Variants in NR4A2 observed in about 807,000 individuals in gnomAD.
NR4A2 encodes nuclear receptor subfamily 4 group A member 2, also known as NGFI-B/nur77 beta-type transcription factor homolog.
NR4A2 carries 1 observed loss-of-function variant against 50.5 expected under a neutral mutation model. The observed-to-expected ratio is 0.02, with a 90% CI of 0.01 to 0.09. NR4A2 has a LOEUF of 0.09. NR4A2 is among the 10% of genes least tolerant of loss of function. The probability of loss-of-function intolerance (pLI) is 1.00; values close to 1 mark genes in which losing one functional copy is unlikely to be tolerated. For missense variants in NR4A2, 613 were observed against 777.3 expected (o/e 0.79, Z 2.51); for synonymous variants, 328 against 309.4 (o/e 1.06, Z -0.63).
chr2:156,330,181 A>G lies in NR4A2; in HGVS notation c.6T>C (p.Pro2=), dbSNP rs1201391051. Residue 2 remains proline, a synonymous_variant, in exon 3 of 8, where the codon CCT becomes CCC. Transcript: ENST00000339562. Reference sequence around the variant, plus strand: ...AGGACCCATACTGCGCCTGAACACAAGGCATGGCTGGAAATGAAACAGGGT... The same window carrying G: ...AGGACCCATACTGCGCCTGAACACAGGGCATGGCTGGAAATGAAACAGGGT... M[P]CVQAQYGSSP... 1 of 1,614,154 alleles carries G rather than the reference A, an allele frequency of 6.2e-7. No homozygotes were observed. Among genetic ancestry groups the G allele is most frequent in the Admixed American group, 1.7e-5 (1 of 60,028 alleles).
Position 156,326,751 on chromosome 2 carries a change from A to T in NR4A2, c.1328T>A (p.Phe443Tyr). The T allele has an allele frequency of 1.2e-6, 2 of 1,614,194 alleles. No homozygotes were observed. The highest frequency in any genetic ancestry group is 1.7e-6 in the Non-Finnish European group (2 of 1,180,032). The change falls in exon 6 of 8, where the codon TTC becomes TAC. Residue 443 changes from phenylalanine (F) to tyrosine (Y), a missense_variant. Transcript: ENST00000339562. The surrounding 1 kb of genome is among the most constrained non-coding windows in gnomAD (Gnocchi z 4.2). The stretch of plus-strand genomic sequence containing the variant: ...TAATCGAAGGACAAACAGTTCTAAG[A>T]AAGCTGATTCAAAAAGCAGGTCTTG... ...ADQDLLFESA[F>Y]LELFVLRLAY...
chr2:156,329,182 G>A lies in NR4A2; in HGVS notation c.864+141C>T. 8.1e-7 allele frequency: 1 copy of A among 1,228,946 alleles called. No individual in the cohort carries two copies. Among genetic ancestry groups the A allele is most frequent in the Non-Finnish European group, 1.2e-6 (1 of 868,294 alleles). 76.1% of individuals were successfully genotyped at this position (1,228,946 alleles called of 1,614,324 possible). A position where few individuals can be genotyped will look rare whatever the true frequency, so the allele number is the denominator to read the frequency against. Reference sequence around the variant, plus strand: ...GCCGCAGCCCATGGTCTCCTGCAGGGCAGCTTCGGCGGACCCCGGAGAGCT... The same window carrying A: ...GCCGCAGCCCATGGTCTCCTGCAGGACAGCTTCGGCGGACCCCGGAGAGCT... On this transcript the variant is annotated intron_variant, in intron 3 of 7. Transcript: ENST00000339562. This position sits in a 1 kb window ranked among gnomAD's most constrained non-coding sequence, Gnocchi z 7.5.
rs1331948165 is a variant in NR4A2 at position 156,325,616 on chromosome 2, A to C, written c.*128T>G. ...TTCTTTAGGGATCAAGGGGGCTAGG[A>C]GGGTTACAGAAATGGGGGGCAGCTT... On this transcript the variant is annotated 3_prime_UTR_variant, in exon 8 of 8. Coordinates refer to ENST00000339562, the MANE Select transcript of NR4A2 (RefSeq NM_006186.4). The C allele has an allele frequency of 8.5e-7, 1 of 1,173,872 alleles. No individual in the cohort carries two copies. 72.7% of individuals were successfully genotyped at this position (1,173,872 alleles called of 1,614,324 possible). A position where few individuals can be genotyped will look rare whatever the true frequency, so the allele number is the denominator to read the frequency against.
chr2:156,326,808 A>G lies in NR4A2; in HGVS notation c.1271T>C (p.Ile424Thr). 3.1e-6 allele frequency: 5 copies of G among 1,614,202 alleles called. No homozygotes were observed. The highest frequency in any genetic ancestry group is 1.1e-5 in the South Asian group (1 of 91,090). ...MEIIRGWAEK[I>T]PGFADLPKAD... Reference sequence around the variant, plus strand: ...TTTGGGCAGGTCTGCGAAGCCAGGGATCTTCTCTGCCCAGCCCCGGATGAT... The same window carrying G: ...TTTGGGCAGGTCTGCGAAGCCAGGGGTCTTCTCTGCCCAGCCCCGGATGAT... Residue 424 changes from isoleucine to threonine, a missense_variant, in exon 6 of 8, where the codon ATC (isoleucine) becomes ACC (threonine). By Grantham distance (89) the Ile-to-Thr change is moderately conservative. Transcript: ENST00000339562. The surrounding 1 kb of genome is among the most constrained non-coding windows in gnomAD (Gnocchi z 4.2).
Position 156,329,229 on chromosome 2 carries a change from G to C in NR4A2, c.864+94C>G. The C allele has an allele frequency of 6.6e-7, 1 of 1,519,808 alleles. No homozygotes were observed. 94.1% of individuals were successfully genotyped at this position (1,519,808 alleles called of 1,614,324 possible). On this transcript the variant is annotated intron_variant, in intron 3 of 7. Coordinates refer to ENST00000339562, the MANE Select transcript of NR4A2 (RefSeq NM_006186.4). This position sits in a 1 kb window ranked among gnomAD's most constrained non-coding sequence, Gnocchi z 7.5. ...AGCTGGGCAGTCCCGGGAGAGCTGG[G>C]GCTGGGCTACTGGCACCAAGGCAGA... is the stretch of plus-strand genomic sequence containing the variant.
rs746069602 is a variant in NR4A2, at chr2:156,329,510, T to C, written c.677A>G (p.Lys226Arg). 1.2e-6 allele frequency: 2 copies of C among 1,605,382 alleles called. No individual in the cohort carries two copies. Among genetic ancestry groups the C allele is most frequent in the Non-Finnish European group, 1.7e-6 (2 of 1,176,254 alleles). Reference protein sequence around the residue: ...QTFAVPNPIRKPASMGFPGLQ... With the variant: ...QTFAVPNPIRRPASMGFPGLQ... ...GCCCGGGAAGCCCATGGACGCGGGC[T>C]TGCGAATGGGGTTGGGCACAGCGAA... Residue 226 changes from lysine (K) to arginine (R), a missense_variant, in exon 3 of 8, where the codon AAG (lysine) becomes AGG (arginine). By Grantham distance (26) the Lys-to-Arg change is conservative. Transcript: ENST00000339562. This position sits in a 1 kb window ranked among gnomAD's most constrained non-coding sequence, Gnocchi z 7.5.
chr2:156,326,573 C>A lies in NR4A2; in HGVS notation c.1361+145G>T. The A allele has an allele frequency of 9.3e-7, 1 of 1,079,594 alleles. No individual in the cohort carries two copies. Among genetic ancestry groups the A allele is most frequent in the Non-Finnish European group, 1.4e-6 (1 of 731,970 alleles). 66.9% of individuals were successfully genotyped at this position (1,079,594 alleles called of 1,614,324 possible). On this transcript the variant is annotated intron_variant, in intron 6 of 7. Transcript: ENST00000339562. This position sits in a 1 kb window ranked among gnomAD's most constrained non-coding sequence, Gnocchi z 4.2. ...GCTTCTTCTCGTCTTTTTTTGTTTT[C>A]TTTCTTTTTCTTCCTTTCTCCGACT...
In NR4A2 at chr2:156,325,872, C is replaced by T; in HGVS notation, c.1669G>A (p.Gly557Arg). The T allele has an allele frequency of 6.2e-7, 1 of 1,614,156 alleles. No homozygotes were observed. Among genetic ancestry groups the T allele is most frequent in the Admixed American group, 1.7e-5 (1 of 60,026 alleles). ...AGGGTACGAAGTTCTGGGAGCTTCCCCAACAGTTTGGACAAATAATTGGGG... is the reference window on the plus strand; with the variant it reads ...AGGGTACGAAGTTCTGGGAGCTTCCTCAACAGTTTGGACAAATAATTGGGG... ...NRPNYLSKLLGKLPELRTLCT... is the reference protein window; with the variant it reads ...NRPNYLSKLLRKLPELRTLCT... The change falls in exon 8 of 8, where the codon GGG becomes AGG. Residue 557 changes from glycine (G) to arginine (R), a missense_variant. Around this residue, in one of 4 missense-constraint regions of NR4A2, gnomAD observed 250 missense variants for 311.3 expected, o/e 0.80. Coordinates refer to ENST00000339562, the MANE Select transcript of NR4A2 (RefSeq NM_006186.4).
chr2:156,326,913 G>T lies in NR4A2; in HGVS notation c.1166C>A (p.Ala389Glu). The T allele has an allele frequency of 1.9e-6, 3 of 1,614,028 alleles. No individual in the cohort carries two copies. Among genetic ancestry groups the T allele is most frequent in the Non-Finnish European group, 2.5e-6 (3 of 1,179,944 alleles). The change falls in exon 6 of 8, where the codon GCG becomes GAG. Residue 389 changes from alanine to glutamate, a missense_variant. By Grantham distance (107) the Ala-to-Glu change is moderately radical (BLOSUM62 -1). Coordinates refer to ENST00000339562, the MANE Select transcript of NR4A2 (RefSeq NM_006186.4). The surrounding 1 kb of genome is among the most constrained non-coding windows in gnomAD (Gnocchi z 4.2). ...MTSLDYSRFQ[A>E]NPDYQMSGDD... Reference sequence around the variant, plus strand: ...TCCACTCATTTGATAGTCAGGGTTCGCCTGGAACTGGAATTTCATTTTAAA... The same window carrying T: ...TCCACTCATTTGATAGTCAGGGTTCTCCTGGAACTGGAATTTCATTTTAAA...
Position 156,332,654 on chromosome 2 carries a change from G to A in NR4A2, c.-301C>T. The A allele has an allele frequency of 2.3e-6, 1 of 438,908 alleles. No individual in the cohort carries two copies. 27.2% of individuals were successfully genotyped at this position (438,908 alleles called of 1,614,324 possible). ...GCCGGCTGGACAGGCAAAAGGGACC[G>A]CGGAGCCGTGCGCGAGCCGCCGGGC... On this transcript the variant is annotated 5_prime_UTR_variant, in exon 1 of 8. Transcript: ENST00000339562.
At position 156,326,417 on chromosome 2, in the gene NR4A2, T is replaced by A; in HGVS notation, c.1362-89A>T. Reference sequence around the variant, plus strand: ...TACTTGAAGAGCAATAAATGAGGGATTTAAGAGTCACCTAATTACTGAAGA... The same window carrying A: ...TACTTGAAGAGCAATAAATGAGGGAATTAAGAGTCACCTAATTACTGAAGA... On this transcript the variant is annotated intron_variant, in intron 6 of 7. Transcript: ENST00000339562. This position sits in a 1 kb window ranked among gnomAD's most constrained non-coding sequence, Gnocchi z 4.2. 1 of 1,216,506 alleles carries A rather than the reference T, an allele frequency of 8.2e-7. No individual in the cohort carries two copies. The highest frequency in any genetic ancestry group is 1.2e-6 in the Non-Finnish European group (1 of 822,542). The allele number at this position is 1,216,506 out of a possible 1,614,324, so 75.4% of individuals were successfully genotyped here.
chr2:156,329,210 G>T lies in NR4A2; in HGVS notation c.864+113C>A. 6.9e-7 allele frequency: 1 copy of T among 1,440,998 alleles called. No homozygotes were observed. The allele number at this position is 1,440,998 out of a possible 1,614,324, so 89.3% of individuals were successfully genotyped here. On this transcript the variant is annotated intron_variant, in intron 3 of 7. Coordinates refer to ENST00000339562, the MANE Select transcript of NR4A2 (RefSeq NM_006186.4). The surrounding 1 kb of genome is among the most constrained non-coding windows in gnomAD (Gnocchi z 7.5). Reference sequence around the variant, plus strand: ...GCTTCGGCGGACCCCGGAGAGCTGGGCAGTCCCGGGAGAGCTGGGGCTGGG... The same window carrying T: ...GCTTCGGCGGACCCCGGAGAGCTGGTCAGTCCCGGGAGAGCTGGGGCTGGG...
chr2:156,328,375 T>G lies in NR4A2; in HGVS notation c.994+29A>C, dbSNP rs200098653. The G allele has an allele frequency of 5.6e-5, 90 of 1,613,944 alleles. No individual in the cohort carries two copies. Among genetic ancestry groups the G allele is most frequent in the Non-Finnish European group, 7.3e-5 (86 of 1,179,960 alleles). The stretch of plus-strand genomic sequence containing the variant: ...GCAGTGGTTTCCTAAAGGCGCAAAC[T>G]GGAGGGTCGGCAGCTCCCCTCAGCC... On this transcript the variant is annotated intron_variant, in intron 4 of 7. Coordinates refer to ENST00000339562, the MANE Select transcript of NR4A2 (RefSeq NM_006186.4). The surrounding 1 kb of genome is among the most constrained non-coding windows in gnomAD (Gnocchi z 4.9).
At position 156,329,305 on chromosome 2, in the gene NR4A2, G is replaced by T; in HGVS notation, c.864+18C>A. 6.2e-7 allele frequency: 1 copy of T among 1,605,466 alleles called. No individual in the cohort carries two copies. Among genetic ancestry groups the T allele is most frequent in the Non-Finnish European group, 8.5e-7 (1 of 1,176,202 alleles). ...TAGGGGCTCCCTACCTGCCTACTCC[G>T]CTCCCGCCATTGCTCACCTTAAAGA... On this transcript the variant is annotated intron_variant, in intron 3 of 7. Coordinates refer to ENST00000339562, the MANE Select transcript of NR4A2 (RefSeq NM_006186.4). This position sits in a 1 kb window ranked among gnomAD's most constrained non-coding sequence, Gnocchi z 7.5.
chr2:156,329,181 G>C lies in NR4A2; in HGVS notation c.864+142C>G. 1 of 1,219,728 alleles carries C rather than the reference G, an allele frequency of 8.2e-7. No homozygotes were observed. Among genetic ancestry groups the C allele is most frequent in the South Asian group, 1.3e-5 (1 of 76,094 alleles). The allele number at this position is 1,219,728 out of a possible 1,614,324, so 75.6% of individuals were successfully genotyped here. On this transcript the variant is annotated intron_variant, in intron 3 of 7. Coordinates refer to ENST00000339562, the MANE Select transcript of NR4A2 (RefSeq NM_006186.4). The surrounding 1 kb of genome is among the most constrained non-coding windows in gnomAD (Gnocchi z 7.5). ...CGCCGCAGCCCATGGTCTCCTGCAG[G>C]GCAGCTTCGGCGGACCCCGGAGAGC...
Position 156,326,318 on chromosome 2 carries a change from C to G in NR4A2, c.1372G>C (p.Val458Leu), listed in dbSNP as rs1218090400. 2 of 1,614,072 alleles carry G rather than the reference C, an allele frequency of 1.2e-6. No individual in the cohort carries two copies. The highest frequency in any genetic ancestry group is 8.5e-7 in the Non-Finnish European group (1 of 1,179,902). The change falls in exon 7 of 8, where the codon GTG (valine) becomes CTG (leucine). Residue 458 changes from valine to leucine, a missense_variant. Transcript: ENST00000339562. The surrounding 1 kb of genome is among the most constrained non-coding windows in gnomAD (Gnocchi z 4.2). Reference protein sequence around the residue: ...VLRLAYRSNPVEGKLIFCNGV... With the variant: ...VLRLAYRSNPLEGKLIFCNGV... ...TTGCAAAAGATGAGTTTACCCTCCA[C>G]TGGGTTGGACCTGCAATTAATACCA...
chr2:156,325,887 A>G lies in NR4A2; in HGVS notation c.1654T>C (p.Leu552=). 6.2e-7 allele frequency: 1 copy of G among 1,614,218 alleles called. No homozygotes were observed. Among genetic ancestry groups the G allele is most frequent in the South Asian group, 1.1e-5 (1 of 91,080 alleles). ...NNGGLNRPNY[L]SKLLGKLPEL... ...GGGAGCTTCCCCAACAGTTTGGACAAATAATTGGGGCGGTTCAACCCCCCA... is the reference window on the plus strand; with the variant it reads ...GGGAGCTTCCCCAACAGTTTGGACAGATAATTGGGGCGGTTCAACCCCCCA... The change falls in exon 8 of 8, where the codon TTG becomes CTG. Residue 552 remains leucine (L), a synonymous_variant. Transcript: ENST00000339562.
In NR4A2 at chr2:156,329,503, C is replaced by G. The variant is rs995776798; in HGVS notation, c.684G>C (p.Ala228=). ...FAVPNPIRKP[A]SMGFPGLQIG... ...TCTGCAGGCCCGGGAAGCCCATGGA[C>G]GCGGGCTTGCGAATGGGGTTGGGCA... Residue 228 remains alanine, a synonymous_variant, in exon 3 of 8, where the codon GCG becomes GCC. Transcript: ENST00000339562. This position sits in a 1 kb window ranked among gnomAD's most constrained non-coding sequence, Gnocchi z 7.5. The G allele has an allele frequency of 6.2e-7, 1 of 1,605,124 alleles. No individual in the cohort carries two copies. The highest frequency in any genetic ancestry group is 8.5e-7 in the Non-Finnish European group (1 of 1,176,306).
In NR4A2 at chr2:156,326,422, G is replaced by A; in HGVS notation, c.1362-94C>T. 1.7e-6 allele frequency: 2 copies of A among 1,171,562 alleles called. No individual in the cohort carries two copies. Among genetic ancestry groups the A allele is most frequent in the Middle Eastern group, 1.9e-4 (1 of 5,236 alleles). 72.6% of individuals were successfully genotyped at this position (1,171,562 alleles called of 1,614,324 possible). ...GAAGAGCAATAAATGAGGGATTTAA[G>A]AGTCACCTAATTACTGAAGAGTTAA... is the stretch of plus-strand genomic sequence containing the variant. On this transcript the variant is annotated intron_variant, in intron 6 of 7. Transcript: ENST00000339562. The surrounding 1 kb of genome is among the most constrained non-coding windows in gnomAD (Gnocchi z 4.2).
Sources: allele counts gnomAD v4.1 joint callset, GRCh38; gene constraint gnomAD v4.1.1; regional missense constraint gnomAD v4.1.1; non-coding constraint Gnocchi (gnomAD v3.1); transcripts MANE v1.5; gene names NCBI Gene and HGNC (gene_info 2026-07-23, HGNC 2026-07-21).